The following GRM8 variants were observed in gnomAD, a reference collection of about 807,000 sequenced individuals.
GRM8 encodes the protein metabotropic glutamate receptor 8.
GRM8 carries 47 observed loss-of-function variants against 87.2 expected under a neutral mutation model. The observed-to-expected ratio is 0.54, with a 90% CI of 0.43 to 0.69. GRM8 has a LOEUF of 0.69. GRM8 is among the 30% of genes least tolerant of loss of function. GRM8 has a pLI of 0.00. For missense variants in GRM8, 1,019 were observed against 1,139.2 expected (o/e 0.89, Z 1.52); for synonymous variants, 396 against 404.5 (o/e 0.98, Z 0.25).
Position 126,609,493 on chromosome 7 carries a change from C to A in GRM8, c.1363G>T (p.Ala455Ser). The A allele has an allele frequency of 6.2e-7, 1 of 1,610,734 alleles. No homozygotes were observed. The highest frequency in any genetic ancestry group is 8.5e-7 in the Non-Finnish European group (1 of 1,177,480). Residue 455 changes from alanine (A) to serine (S), a missense_variant, in exon 8 of 11, where the codon GCT becomes TCT. Ala to Ser is a moderately conservative substitution (Grantham distance 99, BLOSUM62 1). Coordinates refer to ENST00000339582, the MANE Select transcript of GRM8 (RefSeq NM_000845.3). ...YIRAVNFNGS[A>S]GTPVTFNENG... ...TCATTAAAAGTGACAGGAGTGCCAG[C>A]ACTGCCTATAAAGATTTAGAAAACA...
At chr7:127,235,258 T>A (rs1797916125) in intron 2 of GRM8, among the ~76,000 whole-genome samples, 1 of 152,168 alleles carries the variant, frequency 6.6e-6, no homozygotes, top group Non-Finnish European at 1.5e-5. Flanking sequence ...GAAAAGAAAT[T>A]TAAATTCACC....
intron 3 of GRM8, among the ~76,000 whole-genome samples, chr7:127,091,820 C>T (rs868848450): frequency 3.4e-5 from 4 of 119,164 alleles, no homozygotes; most frequent in African/African-American, 9.9e-5. Flanking sequence ...CTGGTCATCC[C>T]GCCGTCTGGC....
chr7:127,059,656 G>A (rs533819451), intron 3 of GRM8, among the ~76,000 whole-genome samples: 1 of 152,052 alleles, frequency 6.6e-6, no homozygotes, highest in African/African-American at 2.4e-5. Context: ...ATTTTTAAGA[G>A]GTACTGACTC....
chr7:126,984,227 A>G (rs537812423), intron 3 of GRM8, among the ~76,000 whole-genome samples: 7 of 152,226 alleles, frequency 4.6e-5, no homozygotes, highest in Admixed American at 1.3e-4. Flanking sequence ...TGAAGATTAC[A>G]TATGATCTCA....
chr7:126,472,359 C>T (rs1805374377), intron 9 of GRM8, among the ~76,000 whole-genome samples: 1 of 152,008 alleles, frequency 6.6e-6, no homozygotes, highest in African/African-American at 2.4e-5. Flanking sequence ...GAAATACCTC[C>T]CATCAATACC....
At position 126,533,260 on chromosome 7, in the gene GRM8, G is replaced by C; in HGVS notation, c.2122C>G (p.Leu708Val). The change falls in exon 9 of 11, where the codon CTT becomes GTT. Residue 708 changes from leucine (L) to valine (V), a missense_variant. Leu to Val is a conservative substitution (Grantham distance 32, BLOSUM62 1). Coordinates refer to ENST00000339582, the MANE Select transcript of GRM8 (RefSeq NM_000845.3). ...ITFSLISVQL[L>V]GVFVWFVVDP... is the part of the protein sequence containing the mutation. ...ACAACAAACCAGACAAACACTCCAA[G>C]GAGCTGGACGGAGATGAGGCTGAAG... 6.2e-7 allele frequency: 1 copy of C among 1,613,644 alleles called. No homozygotes were observed. Among genetic ancestry groups the C allele is most frequent in the African/African-American group, 1.3e-5 (1 of 74,912 alleles).
chr7:127,182,071 G>A (rs1211054830), intron 2 of GRM8, among the ~76,000 whole-genome samples: 3 of 152,046 alleles, frequency 2.0e-5, no homozygotes, highest in Admixed American at 6.6e-5. Flanking sequence ...CACAAAGGGG[G>A]AGAAAATCTT....
At chr7:126,470,542 G>A (rs374476850) in intron 9 of GRM8, among the ~76,000 whole-genome samples, 1 of 151,768 alleles carries the variant, frequency 6.6e-6, no homozygotes. Flanking sequence ...ATGGCTGCAT[G>A]GTATTCCATG....
intron 2 of GRM8, among the ~76,000 whole-genome samples, chr7:127,242,166 T>G (rs986152489): frequency 6.6e-5 from 10 of 152,196 alleles, no homozygotes; most frequent in Admixed American, 3.3e-4. Context: ...GTAGTTATAA[T>G]AAGCCTGACA....
chr7:126,699,550 C>A (rs985976549), intron 7 of GRM8, among the ~76,000 whole-genome samples: 2 of 152,142 alleles, frequency 1.3e-5, no homozygotes, highest in Non-Finnish European at 2.9e-5. Context: ...GCAGTTCATA[C>A]ATTATTTTTA....
chr7:126,884,513 G>T (rs1419068336), intron 6 of GRM8, among the ~76,000 whole-genome samples: 2 of 152,046 alleles, frequency 1.3e-5, no homozygotes, highest in Non-Finnish European at 2.9e-5. Flanking sequence ...ATTTGTTGAA[G>T]ATTTTATGCA....
intron 6 of GRM8, among the ~76,000 whole-genome samples, chr7:126,865,329 C>T (rs780563588): frequency 1.6e-4 from 24 of 152,190 alleles, no homozygotes; most frequent in Non-Finnish European, 3.4e-4. Flanking sequence ...ATCAGTTCTT[C>T]ATATCACTTT....
intron 6 of GRM8, among the ~76,000 whole-genome samples, chr7:126,835,298 C>T (rs755343273): frequency 1.2e-4 from 18 of 152,046 alleles, no homozygotes; most frequent in Non-Finnish European, 2.2e-4. Context: ...TTTATGCAAG[C>T]TATGTTTTAC....
intron 3 of GRM8, chr7:127,084,342 G>A (rs1253536525): frequency 6.6e-6 from 1 of 152,168 alleles, no homozygotes; most frequent in Admixed American, 6.5e-5. Flanking sequence ...AACAGAATAG[G>A]AGTTGGAATA....
chr7:126,626,842 A>T (rs978341622), intron 7 of GRM8, among the ~76,000 whole-genome samples: 3 of 152,202 alleles, frequency 2.0e-5, no homozygotes, highest in African/African-American at 7.2e-5. Context: ...CAACAAAGTG[A>T]GACCTTGTCT....
chr7:127,241,500 C>G (rs541690470), intron 2 of GRM8, among the ~76,000 whole-genome samples: 2 of 145,950 alleles, frequency 1.4e-5, no homozygotes, highest in Admixed American at 1.4e-4. Context: ...GTGGCATGAT[C>G]TCGGCTCATC....
intron 6 of GRM8, among the ~76,000 whole-genome samples, chr7:126,859,135 G>T (rs1309594128): frequency 4.8e-5 from 7 of 147,330 alleles, no homozygotes; most frequent in African/African-American, 1.5e-4. Context: ...CCAGTCCCCT[G>T]CCCCTGTAAT....
chr7:127,157,900 G>C (rs1792838646), intron 2 of GRM8, among the ~76,000 whole-genome samples: 1 of 152,072 alleles, frequency 6.6e-6, no homozygotes, highest in African/African-American at 2.4e-5. Context: ...AAGGGAATTG[G>C]AGCAGTGATC....
intron 8 of GRM8, among the ~76,000 whole-genome samples, chr7:126,543,565 T>C (rs1488824063): frequency 6.6e-6 from 1 of 152,102 alleles, no homozygotes; most frequent in Admixed American, 6.5e-5. Context: ...TGTGAATAGG[T>C]AGTGGTATCC....
Sources: gnomAD v4.1 joint callset for allele counts (sites outside exome capture counted in the v4.1 genomes callset) on GRCh38, gnomAD v4.1.1 for gene constraint, MANE v1.5 for transcripts, NCBI Gene and HGNC (gene_info 2026-07-23, HGNC 2026-07-21) for gene names.